ARID4B: variants seen among roughly 807,000 people sequenced by gnomAD.
ARID4B encodes AT-rich interaction domain 4B.
A neutral mutation model predicts 147.5 loss-of-function variants in ARID4B; 26 were observed. The ratio of observed to expected loss-of-function variants is 0.18; its 90% CI spans 0.13 to 0.24. The LOEUF (loss-of-function observed/expected upper bound fraction) is 0.24. Among genes scored for constraint, ARID4B ranks in the 10% least tolerant of loss-of-function variants. The pLI is 1.00. For missense variants in ARID4B, 1,179 were observed against 1,511.5 expected (o/e 0.78, Z 3.65); for synonymous variants, 512 against 507.9 (o/e 1.01, Z -0.11).
At position 235,240,171 on chromosome 1, in the gene ARID4B, T is replaced by A. The variant is rs1443840884; in HGVS notation, c.585+142A>T. On this transcript the variant is annotated intron_variant, in intron 8 of 23. Coordinates refer to ENST00000264183, the MANE Select transcript of ARID4B (RefSeq NM_016374.6). Reference sequence around the variant, plus strand: ...GAGTTCTTTGTATTCAAAGACAACGTTGAAAGTAAGCTTAGTGTGAACTAA... The same window carrying A: ...GAGTTCTTTGTATTCAAAGACAACGATGAAAGTAAGCTTAGTGTGAACTAA... 4.2e-6 allele frequency: 3 copies of A among 709,358 alleles called. No individual in the cohort carries two copies. The East Asian group carries it at 9.0e-5, about 21-fold the overall frequency. The allele number at this position is 709,358 out of a possible 1,614,324, so 43.9% of individuals were successfully genotyped here.
intron 6 of ARID4B, among the ~76,000 whole-genome samples, chr1:235,247,351 T>C (rs996980244): frequency 7.9e-5 from 12 of 152,204 alleles, no homozygotes; most frequent in South Asian, 4.1e-4. Flanking sequence ...TAATGTAATA[T>C]GTAAAAAGAA....
intron 1 of ARID4B, 84 bp from the exon 2 acceptor site, chr1:235,327,052 G>A: frequency 1.1e-6 from 1 of 943,010 alleles, no homozygotes; most frequent in Non-Finnish European, 1.6e-6. Flanking sequence ...AGCGAGCGAC[G>A]TCCGAACCCC....
At chr1:235,264,940 A>G (rs1416068167) in intron 2 of ARID4B, among the ~76,000 whole-genome samples, 1 of 151,810 alleles carries the variant, frequency 6.6e-6, no homozygotes, top group African/African-American at 2.4e-5. Flanking sequence ...GGCGCCTGTA[A>G]TCCCAGCTAC....
In ARID4B at chr1:235,201,099, C is replaced by T. The variant is rs1425651146; in HGVS notation, c.1842-4984G>A. On this transcript the variant is annotated intron_variant, in intron 17 of 23. Coordinates refer to ENST00000264183, the MANE Select transcript of ARID4B (RefSeq NM_016374.6). Reference sequence around the variant, plus strand: ...GGCAGAGGTGGCAGTGAGCCAAGATCGCACCACTGTGCTCCAGCCTGGGTG... The same window carrying T: ...GGCAGAGGTGGCAGTGAGCCAAGATTGCACCACTGTGCTCCAGCCTGGGTG... 3.3e-5 allele frequency among the ~76,000 whole-genome samples: 5 copies of T among 152,028 alleles called. No individual in the cohort carries two copies. The East Asian group carries it at 7.7e-4, about 23-fold the overall frequency.
intron 9 of ARID4B, 97 bp downstream of exon 9, chr1:235,234,316 G>T: frequency 1.3e-6 from 1 of 769,856 alleles, no homozygotes; most frequent in Non-Finnish European, 2.2e-6. Context: ...AAAGCCTAAG[G>T]TAATTGGAAA....
intron 8 of ARID4B, among the ~76,000 whole-genome samples, 157 bp from the exon 9 acceptor site, chr1:235,234,649 C>T (rs774396970): frequency 1.3e-5 from 2 of 152,190 alleles, no homozygotes; most frequent in Non-Finnish European, 2.9e-5. Context: ...GGAGCACACA[C>T]AAGCAATTTT....
At position 235,182,162 on chromosome 1, in the gene ARID4B, G is replaced by A; in HGVS notation, c.2757C>T (p.Ser919=). ...AGACATCTTTTCGATCTTTGGCCCT[G>A]CTGTTTTGAAGTCTTTCATCAGAGT... ...LNNSDERLQN[S]RAKDRKDVWS... Residue 919 remains serine, a synonymous_variant, in exon 20 of 24, where the codon AGC becomes AGT. Coordinates refer to ENST00000264183, the MANE Select transcript of ARID4B (RefSeq NM_016374.6). 5 of 1,614,188 alleles carry A rather than the reference G, an allele frequency of 3.1e-6. No individual in the cohort carries two copies. The highest frequency in any genetic ancestry group is 3.4e-6 in the Non-Finnish European group (4 of 1,180,022).
chr1:235,294,307 C>G (rs11579629), intron 2 of ARID4B, among the ~76,000 whole-genome samples: 2 of 130,162 alleles, frequency 1.5e-5, no homozygotes, highest in Non-Finnish European at 1.6e-5. Flanking sequence ...TGCAAACCAG[C>G]AGCATTTTTT....
intron 9 of ARID4B, 55 bp from the exon 10 acceptor site, chr1:235,231,244 A>T: frequency 2.2e-6 from 2 of 907,208 alleles, no homozygotes; most frequent in Non-Finnish European, 3.4e-6. Flanking sequence ...TATGACTGAG[A>T]TTAATTAAGA....
Position 235,181,832 on chromosome 1 carries a change from C to A in ARID4B, c.3087G>T (p.Ser1029=). 6.2e-7 allele frequency: 1 copy of A among 1,614,052 alleles called. No homozygotes were observed. The highest frequency in any genetic ancestry group is 8.5e-7 in the Non-Finnish European group (1 of 1,180,010). The change falls in exon 20 of 24, where the codon TCG becomes TCT. Residue 1029 remains serine (S), a synonymous_variant. Coordinates refer to ENST00000264183, the MANE Select transcript of ARID4B (RefSeq NM_016374.6). The part of the protein sequence containing the change: ...VLNTPPTTPE[S]PSSVTVTEGS... ...CTTCTGTTACAGTGACTGATGAAGG[C>A]GATTCAGGTGTAGTAGGAGGGGTAT...
At chr1:235,306,705 G>A (rs1314731277) in intron 2 of ARID4B, among the ~76,000 whole-genome samples, 1 of 151,800 alleles carries the variant, frequency 6.6e-6, no homozygotes, top group Non-Finnish European at 1.5e-5. Context: ...GCCCAGGCTG[G>A]AGTGCAGTGG....
intron 23 of ARID4B, among the ~76,000 whole-genome samples, chr1:235,170,062 C>G (rs903128021): frequency 7.9e-5 from 12 of 152,092 alleles, no homozygotes; most frequent in African/African-American, 2.7e-4. Flanking sequence ...AAAAGCAAAT[C>G]TCACTCTCAT....
intron 2 of ARID4B, among the ~76,000 whole-genome samples, chr1:235,269,834 T>A (rs1481898114): frequency 6.6e-6 from 1 of 152,220 alleles, no homozygotes. Flanking sequence ...AAATAAATTA[T>A]TTTGTAAAGT....
chr1:235,234,508 G>A lies in ARID4B; in HGVS notation c.586-16C>T, dbSNP rs1380514179. ...GACAAACCACCTTTTAAGAAAAAGG[G>A]TGAAGCTATTATAACTAAAAGAACT... On this transcript the variant is annotated splice_polypyrimidine_tract_variant and intron_variant, in intron 8 of 23. Transcript: ENST00000264183. 6.4e-7 allele frequency: 1 copy of A among 1,556,176 alleles called. No homozygotes were observed. The highest frequency in any genetic ancestry group is 1.7e-5 in the Admixed American group (1 of 58,042).
chr1:235,230,005 T>C (rs1668099359), intron 10 of ARID4B, among the ~76,000 whole-genome samples: 1 of 152,198 alleles, frequency 6.6e-6, no homozygotes, highest in Non-Finnish European at 1.5e-5. Context: ...AAGACAACTA[T>C]TTACAGTGCC....
chr1:235,185,267 C>A (rs1664596878), intron 19 of ARID4B, among the ~76,000 whole-genome samples: 1 of 152,304 alleles, frequency 6.6e-6, no homozygotes, highest in African/African-American at 2.4e-5. Context: ...TGGTTCCCTG[C>A]AGAAATAAGT....
intron 17 of ARID4B, among the ~76,000 whole-genome samples, chr1:235,211,467 T>C (rs1210692238): frequency 1.3e-5 from 2 of 152,158 alleles, no homozygotes; most frequent in African/African-American, 2.4e-5. Context: ...GAGGAAAAAC[T>C]GCCTCTACAT....
At chr1:235,269,348 T>C (rs1670820064) in intron 2 of ARID4B, among the ~76,000 whole-genome samples, 1 of 152,194 alleles carries the variant, frequency 6.6e-6, no homozygotes, top group Non-Finnish European at 1.5e-5. Context: ...AACAGAATAT[T>C]CACATCATCT....
At chr1:235,231,271 A>G in intron 9 of ARID4B, 82 bp from the exon 10 acceptor site, 1 of 742,284 alleles carries the variant, frequency 1.3e-6, no homozygotes, top group South Asian at 2.0e-5. Context: ...ATGATTACAT[A>G]TCACAGAAAG....
Sources: gnomAD v4.1 joint callset for allele counts (sites outside exome capture counted in the v4.1 genomes callset) on GRCh38, gnomAD v4.1.1 for gene constraint, MANE v1.5 for transcripts, NCBI Gene and HGNC (gene_info 2026-07-23, HGNC 2026-07-21) for gene names.